The following SCN1A variants were observed in gnomAD, a reference collection of about 807,000 sequenced individuals.
SCN1A encodes the protein sodium voltage-gated channel alpha subunit 1, also known as sodium channel protein type 1 subunit alpha.
In SCN1A, 13 loss-of-function variants were observed where a neutral mutation model predicts 193.7. The ratio of observed to expected loss-of-function variants is 0.07; its 90% CI spans 0.04 to 0.11. The LOEUF (loss-of-function observed/expected upper bound fraction) is 0.11, where lower values mean the gene tolerates loss of function less well. Ranked by LOEUF, SCN1A falls within the 10% of genes least tolerant of loss-of-function variation. The probability of loss-of-function intolerance (pLI) is 1.00; values close to 1 mark genes in which losing one functional copy is unlikely to be tolerated. For missense variants in SCN1A, 1,432 were observed against 2,451.1 expected (o/e 0.58, Z 8.78); for synonymous variants, 781 against 843.6 (o/e 0.93, Z 1.29).
chr2:166,006,598 C>T (rs1691691699), intron 23 of SCN1A, among the ~76,000 whole-genome samples: 1 of 151,192 alleles, frequency 6.6e-6, no homozygotes, highest in Admixed American at 6.6e-5. Flanking sequence ...TTTATTCTAA[C>T]TTTTTGTTTA....
intron 1 of SCN1A, among the ~76,000 whole-genome samples, chr2:166,138,081 A>T (rs1000187200): frequency 6.6e-6 from 1 of 152,216 alleles, no homozygotes; most frequent in African/African-American, 2.4e-5. Context: ...ATGTGGTGGA[A>T]GAAATTTCTA....
chr2:166,118,298 G>GCTTCTTTTTTTTTTTTTTTTTTT lies in SCN1A; in HGVS notation c.-142+8625_-142+8626insAAAAAAAAAAAAAAAAAAAGAAG, dbSNP rs371947861. 1.2e-3 allele frequency among the ~76,000 whole-genome samples: 53 copies of GCTTCTTTTTTTTTTTTTTTTTTT among 44,730 alleles called. 25 individuals carry two copies. Among genetic ancestry groups the GCTTCTTTTTTTTTTTTTTTTTTT allele is most frequent in the Middle Eastern group, 0.016 (1 of 62 alleles). 29.3% of individuals were successfully genotyped at this position (44,730 alleles called of 152,430 possible). A position where few individuals can be genotyped will look rare whatever the true frequency, so the allele number is the denominator to read the frequency against. On this transcript the variant is annotated intron_variant, in intron 2 of 28. Coordinates refer to ENST00000674923, the MANE Select transcript of SCN1A (RefSeq NM_001165963.4). ...TTCTTTGCTTACTGATTTCTATTTA[G>GCTTCTTTTTTTTTTTTTTTTTTT]TTTCTTTTTTTTTTTTTTTTTTTTT... is the stretch of plus-strand genomic sequence containing the variant.
chr2:166,132,836 C>T (rs1691713829), upstream of SCN1A, among the ~76,000 whole-genome samples: 1 of 152,114 alleles, frequency 6.6e-6, no homozygotes, highest in South Asian at 2.1e-4. Context: ...CCTCCCCTCC[C>T]CGCAACTGGA....
At position 165,991,851 on chromosome 2, in the gene SCN1A, G is replaced by A; in HGVS notation, c.5424C>T (p.Phe1808=). ...GATCAAACTTCTCCCAAACCTCATAGAACATCTCAAAGTCATCCTCACTCA... is the reference window on the plus strand; with the variant it reads ...GATCAAACTTCTCCCAAACCTCATAAAACATCTCAAAGTCATCCTCACTCA... ...EPLSEDDFEM[F]YEVWEKFDPD... The change falls in exon 29 of 29, where the codon TTC becomes TTT. Residue 1808 remains phenylalanine (F), a synonymous_variant. Transcript: ENST00000674923. The A allele has an allele frequency of 1.2e-6, 2 of 1,613,884 alleles. No homozygotes were observed. The highest frequency in any genetic ancestry group is 1.7e-6 in the Non-Finnish European group (2 of 1,179,930).
At chr2:166,139,059 C>T (rs1188322550) in intron 1 of SCN1A, among the ~76,000 whole-genome samples, 1 of 152,200 alleles carries the variant, frequency 6.6e-6, no homozygotes, top group African/African-American at 2.4e-5. Flanking sequence ...TTTTGAATGG[C>T]TGTATTTGCC....
At chr2:166,108,438 C>T (rs557777782) in intron 2 of SCN1A, among the ~76,000 whole-genome samples, 2 of 152,106 alleles carry the variant, frequency 1.3e-5, no homozygotes, top group African/African-American at 4.8e-5. Flanking sequence ...TTATATGACC[C>T]AGTAATTTCA....
At chr2:166,120,270 T>G (rs1690392375) in intron 2 of SCN1A, among the ~76,000 whole-genome samples, 1 of 151,658 alleles carries the variant, frequency 6.6e-6, no homozygotes, top group African/African-American at 2.4e-5. Flanking sequence ...ATTCTATTTT[T>G]AAAACAAAAA....
chr2:166,085,630 C>G (rs11904006), intron 2 of SCN1A, among the ~76,000 whole-genome samples: 1 of 151,824 alleles, frequency 6.6e-6, no homozygotes, highest in Admixed American at 6.6e-5. Context: ...GATCCAGGAA[C>G]GGGGAGAGGA....
intron 2 of SCN1A, among the ~76,000 whole-genome samples, chr2:166,090,622 A>T (rs1411712148): frequency 6.6e-6 from 1 of 152,104 alleles, no homozygotes; most frequent in Non-Finnish European, 1.5e-5. Flanking sequence ...TTTACCAGTC[A>T]CTAGGTATGA....
At chr2:166,089,670 T>C (rs1686556979) in intron 2 of SCN1A, among the ~76,000 whole-genome samples, 1 of 152,024 alleles carries the variant, frequency 6.6e-6, no homozygotes, top group Admixed American at 6.6e-5. Flanking sequence ...GAATGAATTA[T>C]CAATGTGCCA....
intron 2 of SCN1A, among the ~76,000 whole-genome samples, chr2:166,117,779 G>A (rs576243684): frequency 6.6e-6 from 1 of 151,998 alleles, no homozygotes; most frequent in African/African-American, 2.4e-5. Context: ...GGCGGATCAC[G>A]AGATCAGGAG....
intron 2 of SCN1A, among the ~76,000 whole-genome samples, chr2:166,098,156 A>G (rs1337869819): frequency 6.6e-6 from 1 of 152,200 alleles, no homozygotes; most frequent in African/African-American, 2.4e-5. Flanking sequence ...AGCACATCCA[A>G]AAAGCTAATC....
chr2:166,001,728 GGAGACCCAGTCTTA>G (rs964985498), intron 24 of SCN1A, among the ~76,000 whole-genome samples: 1 of 151,240 alleles, frequency 6.6e-6, no homozygotes, highest in African/African-American at 2.4e-5. Context: ...TATTTTTCTT[GGAGACCCAGTCTTA>G]GAGACCCAGT....
chr2:166,081,433 G>C (rs1038153002), intron 2 of SCN1A: 5 of 151,808 alleles, frequency 3.3e-5, no homozygotes, highest in African/African-American at 9.7e-5. Flanking sequence ...GTGACTGCTT[G>C]GGCCTCTGTG....
intron 2 of SCN1A, among the ~76,000 whole-genome samples, chr2:166,090,275 C>G (rs1274638406): frequency 6.6e-6 from 1 of 151,978 alleles, no homozygotes; most frequent in Non-Finnish European, 1.5e-5. Context: ...AAGTGATCCT[C>G]TTGCCTCAGC....
intron 19 of SCN1A, 100 bp from the exon 20 acceptor site, chr2:166,015,827 T>C: frequency 7.6e-7 from 1 of 1,315,460 alleles, no homozygotes; most frequent in South Asian, 1.2e-5. Flanking sequence ...TTTATTCTTC[T>C]TGAGGTAGAG....
rs574290624 is a variant in SCN1A, at chr2:166,087,159, C to T, written c.-141-9358G>A. 6.2e-5 allele frequency among the ~76,000 whole-genome samples: 9 copies of T among 145,698 alleles called. 2 individuals carry two copies. In the South Asian group the frequency reaches 1.8e-3, roughly 29 times the overall value. Reference sequence around the variant, plus strand: ...CTTGCTCTGTTAGTTCTCATGAGAACTGGTTGAAAAAAAAAAAAAAAGAGC... The same window carrying T: ...CTTGCTCTGTTAGTTCTCATGAGAATTGGTTGAAAAAAAAAAAAAAAGAGC... On this transcript the variant is annotated intron_variant, in intron 2 of 28. Coordinates refer to ENST00000674923, the MANE Select transcript of SCN1A (RefSeq NM_001165963.4).
intron 1 of SCN1A, among the ~76,000 whole-genome samples, chr2:166,134,946 A>T (rs532223728): frequency 6.6e-6 from 1 of 152,356 alleles, no homozygotes; most frequent in East Asian, 1.9e-4. Flanking sequence ...AAGAGAAAAT[A>T]AACATAAATG....
At chr2:166,128,867 A>C (rs1691511362), upstream of SCN1A, among the ~76,000 whole-genome samples, 1 of 152,126 alleles carries the variant, frequency 6.6e-6, no homozygotes, top group African/African-American at 2.4e-5. Flanking sequence ...ATGCCAAACT[A>C]ATTATAACTC....
Sources: gnomAD v4.1 joint callset for allele counts (sites outside exome capture counted in the v4.1 genomes callset) on GRCh38, gnomAD v4.1.1 for gene constraint, MANE v1.5 for transcripts, NCBI Gene and HGNC (gene_info 2026-07-23, HGNC 2026-07-21) for gene names.